DENND4A: variants seen among roughly 807,000 people sequenced by gnomAD.
DENND4A encodes the protein C-myc promoter-binding protein.
DENND4A carries 70 observed loss-of-function variants against 199.3 expected under a neutral mutation model. The ratio of observed to expected loss-of-function variants is 0.35; its 90% CI spans 0.29 to 0.43. DENND4A has a LOEUF of 0.43. Among genes scored for constraint, DENND4A ranks in the 20% least tolerant of loss-of-function variants. DENND4A has a pLI of 1.00. For synonymous variants in DENND4A, 686 were observed against 766.9 expected (o/e 0.89, Z 1.74); for missense variants, 1,723 against 2,255.8 (o/e 0.76, Z 4.78).
intron 1 of DENND4A, among the ~76,000 whole-genome samples, chr15:65,773,747 CA>C (rs1046781212): frequency 6.6e-6 from 1 of 152,242 alleles, no homozygotes; most frequent in African/African-American, 2.4e-5. Flanking sequence ...ATGCTTCAAA[CA>C]TACACACACC....
intron 14 of DENND4A, among the ~76,000 whole-genome samples, chr15:65,713,077 A>G (rs991974368): frequency 1.3e-5 from 2 of 152,168 alleles, no homozygotes; most frequent in Admixed American, 1.3e-4. Flanking sequence ...TTATTACTGG[A>G]AATCAACACA....
Position 65,737,631 on chromosome 15 carries a change from T to C in DENND4A, c.1040+76A>G, listed in dbSNP as rs1035344800. The C allele has an allele frequency of 3.9e-5, 55 of 1,421,850 alleles. No individual in the cohort carries two copies. In the East Asian group the frequency reaches 1.4e-3, roughly 35 times the overall value. 88.1% of individuals were successfully genotyped at this position (1,421,850 alleles called of 1,614,324 possible). A position where few individuals can be genotyped will look rare whatever the true frequency, so the allele number is the denominator to read the frequency against. ...GAGAAATCTAGTATCCATATAAAAT[T>C]TACCCAGTTGCCGACACAAATTTGC... On this transcript the variant is annotated intron_variant, in intron 7 of 32. Transcript: ENST00000443035.
At chr15:65,687,278 G>A (rs1395631445) in intron 23 of DENND4A, among the ~76,000 whole-genome samples, 1 of 152,054 alleles carries the variant, frequency 6.6e-6, no homozygotes, top group Non-Finnish European at 1.5e-5. Flanking sequence ...CTATAATGAA[G>A]GTCTGTGGGG....
chr15:65,781,161 A>T (rs915069928), intron 1 of DENND4A, among the ~76,000 whole-genome samples: 5 of 152,220 alleles, frequency 3.3e-5, no homozygotes, highest in Non-Finnish European at 7.3e-5. Context: ...ACAATCCAGA[A>T]ATAGTACGTA....
Position 65,659,646 on chromosome 15 carries a change from G to A in DENND4A, c.*2205C>T, listed in dbSNP as rs748043332. ...CCATGAGCAACCACGCCCAGCTCAA[G>A]AATGATTCACATTTTAATTTTCTTT... On this transcript the variant is annotated 3_prime_UTR_variant, in exon 33 of 33. Coordinates refer to ENST00000443035, the MANE Select transcript of DENND4A (RefSeq NM_001320835.1). 1.3e-5 allele frequency: 2 copies of A among 152,086 alleles called. No homozygotes were observed. The highest frequency in any genetic ancestry group is 2.9e-5 in the Non-Finnish European group (2 of 68,134). 9.4% of individuals were successfully genotyped at this position (152,086 alleles called of 1,614,324 possible).
intron 4 of DENND4A, among the ~76,000 whole-genome samples, chr15:65,747,913 G>GCCTGTA (rs889735794): frequency 6.6e-6 from 1 of 151,352 alleles, no homozygotes; most frequent in Non-Finnish European, 1.5e-5. Flanking sequence ...GGTGGCGCGC[G>GCCTGTA]CCTGTAATCC....
chr15:65,778,773 A>G (rs1471342331), intron 1 of DENND4A, among the ~76,000 whole-genome samples: 1 of 152,008 alleles, frequency 6.6e-6, no homozygotes, highest in Non-Finnish European at 1.5e-5. Context: ...ACGTGCCTGT[A>G]ATCCCAGCTA....
rs549751605 is a variant in DENND4A at position 65,675,041 on chromosome 15, G to A, written c.4369+1404C>T. Among the ~76,000 whole-genome samples, 10 of 152,192 alleles carry A rather than the reference G, an allele frequency of 6.6e-5. No homozygotes were observed. The South Asian group carries it at 2.1e-3, about 32-fold the overall frequency. On this transcript the variant is annotated intron_variant, in intron 24 of 32. Coordinates refer to ENST00000443035, the MANE Select transcript of DENND4A (RefSeq NM_001320835.1). ...TTTCCATAATAAAAGCTTTTTAAAAGAGCAAAGATAAAGTGAAAAACAAAT... is the reference window on the plus strand; with the variant it reads ...TTTCCATAATAAAAGCTTTTTAAAAAAGCAAAGATAAAGTGAAAAACAAAT...
chr15:65,750,296 C>T (rs1343866790), intron 4 of DENND4A, among the ~76,000 whole-genome samples: 2 of 151,996 alleles, frequency 1.3e-5, no homozygotes, highest in Non-Finnish European at 2.9e-5. Context: ...TATACCTGGA[C>T]ATAAAGATAG....
intron 14 of DENND4A, among the ~76,000 whole-genome samples, chr15:65,713,147 T>C (rs923046012): frequency 2.6e-5 from 4 of 152,208 alleles, no homozygotes; most frequent in Middle Eastern, 3.2e-3. Context: ...ATTAACCTAA[T>C]AATGTTATGC....
intron 7 of DENND4A, among the ~76,000 whole-genome samples, chr15:65,734,760 T>C (rs760325912): frequency 1.3e-5 from 2 of 152,178 alleles, no homozygotes; most frequent in Non-Finnish European, 2.9e-5. Context: ...TCAAGATCCA[T>C]TCAGGGAAGA....
chr15:65,763,551 T>C (rs1298154921), intron 1 of DENND4A, among the ~76,000 whole-genome samples: 1 of 151,818 alleles, frequency 6.6e-6, no homozygotes. Flanking sequence ...GGTGCAGTCC[T>C]GTAGTCCTAG....
At chr15:65,668,625 A>T (rs1334909067) in intron 27 of DENND4A, among the ~76,000 whole-genome samples, 1 of 152,124 alleles carries the variant, frequency 6.6e-6, no homozygotes, top group Admixed American at 6.5e-5. Context: ...GTTCGAGAGC[A>T]GCTTGGCCAA....
At chr15:65,784,245 C>A (rs536491615) in intron 1 of DENND4A, among the ~76,000 whole-genome samples, 10 of 152,060 alleles carry the variant, frequency 6.6e-5, no homozygotes, top group Non-Finnish European at 1.2e-4. Context: ...GCCATCACAG[C>A]CCAGATAGGC....
intron 1 of DENND4A, among the ~76,000 whole-genome samples, chr15:65,767,116 T>C (rs1452607761): frequency 1.3e-5 from 2 of 152,212 alleles, no homozygotes; most frequent in Non-Finnish European, 2.9e-5. Context: ...AAACACATGG[T>C]AGGTGTGTAA....
At chr15:65,676,965 G>A (rs1245002980) in intron 23 of DENND4A, among the ~76,000 whole-genome samples, 8 of 152,046 alleles carry the variant, frequency 5.3e-5, no homozygotes, top group Non-Finnish European at 1.0e-4. Context: ...CTAGAATTAC[G>A]TTTTATTCTT....
intron 11 of DENND4A, among the ~76,000 whole-genome samples, chr15:65,724,801 A>T (rs1423425410): frequency 2.6e-5 from 4 of 152,326 alleles, no homozygotes; most frequent in East Asian, 1.9e-4. Context: ...AACACTTTTT[A>T]AAATTATTTT....
intron 14 of DENND4A, among the ~76,000 whole-genome samples, chr15:65,711,897 C>T (rs368444758): frequency 1.6e-4 from 25 of 152,180 alleles, no homozygotes; most frequent in African/African-American, 4.8e-4. Context: ...CTGGGCTCCC[C>T]GCTCAGACTC....
chr15:65,778,819 A>G (rs928666691), intron 1 of DENND4A, among the ~76,000 whole-genome samples: 4 of 150,070 alleles, frequency 2.7e-5, no homozygotes, highest in African/African-American at 9.8e-5. Flanking sequence ...GCTTGAACCC[A>G]GGAAGCAGAG....
Sources: allele counts gnomAD v4.1 joint callset (sites outside exome capture counted in the v4.1 genomes callset), GRCh38; gene constraint gnomAD v4.1.1; transcripts MANE v1.5; gene names NCBI Gene and HGNC (gene_info 2026-07-23, HGNC 2026-07-21).